Variants in THSD7A observed in about 807,000 individuals in gnomAD.
The protein encoded by THSD7A is thrombospondin type 1 domain containing 7A.
THSD7A carries 96 observed loss-of-function variants against 231.3 expected under a neutral mutation model. The observed-to-expected ratio is 0.41, with a 90% CI of 0.35 to 0.49. THSD7A has a LOEUF of 0.49. Among genes scored for constraint, THSD7A ranks in the 20% least tolerant of loss-of-function variants. The pLI is 0.05. For missense variants in THSD7A, 2,290 were observed against 2,070.2 expected (o/e 1.11, Z -2.06); for synonymous variants, 940 against 743.3 (o/e 1.26, Z -4.30).
chr7:11,763,509 C>G (rs1363958902), intron 1 of THSD7A, among the ~76,000 whole-genome samples: 1 of 152,114 alleles, frequency 6.6e-6, no homozygotes, highest in Non-Finnish European at 1.5e-5. Flanking sequence ...TATACACATA[C>G]ACATAAATAC....
chr7:11,376,637 C>G lies in THSD7A; in HGVS notation c.4822G>C (p.Val1608Leu). The G allele has an allele frequency of 6.3e-7, 1 of 1,581,956 alleles. No homozygotes were observed. The highest frequency in any genetic ancestry group is 8.6e-7 in the Non-Finnish European group (1 of 1,163,044). ...FGPDGRLKTW[V>L]YGVAAGAFVL... ...AATGCCCCAGCTGCTACACCGTAAA[C>G]CCAGGTCTTTAGTCTCCCATCTAAG... The change falls in exon 27 of 28, where the codon GTT (valine) becomes CTT (leucine). Residue 1608 changes from valine (V) to leucine (L), a missense_variant. Physicochemically the swap from Val to Leu is conservative, Grantham distance 32 (BLOSUM62 1). Coordinates refer to ENST00000423059, the MANE Select transcript of THSD7A (RefSeq NM_015204.3).
At chr7:11,639,043 C>T (rs1008566667) in intron 1 of THSD7A, among the ~76,000 whole-genome samples, 2 of 152,066 alleles carry the variant, frequency 1.3e-5, no homozygotes, top group Non-Finnish European at 2.9e-5. Context: ...AACAGTGGTC[C>T]TTATTTTCCA....
At chr7:11,594,401 G>T (rs1780282321) in intron 2 of THSD7A, among the ~76,000 whole-genome samples, 1 of 152,100 alleles carries the variant, frequency 6.6e-6, no homozygotes, top group Non-Finnish European at 1.5e-5. Flanking sequence ...TTCTTTCATT[G>T]GTTTTGGGAT....
chr7:11,764,951 T>C lies in THSD7A; in HGVS notation c.190+66806A>G, dbSNP rs113891877. Among the ~76,000 whole-genome samples the C allele has an allele frequency of 3.1e-3, 465 of 152,220 alleles. 2 individuals are homozygous for C. Among genetic ancestry groups the C allele is most frequent in the African/African-American group, 1.0e-2 (414 of 41,568 alleles). On this transcript the variant is annotated intron_variant, in intron 1 of 27. Transcript: ENST00000423059. Reference sequence around the variant, plus strand: ...TAATGTAAGTAGAAATGGTTTAAAATCTGTAACAGTATAGAAACTCTTAAT... The same window carrying C: ...TAATGTAAGTAGAAATGGTTTAAAACCTGTAACAGTATAGAAACTCTTAAT...
intron 11 of THSD7A, among the ~76,000 whole-genome samples, chr7:11,450,081 T>C (rs1017161344): frequency 6.6e-6 from 1 of 152,060 alleles, no homozygotes; most frequent in Non-Finnish European, 1.5e-5. Context: ...TTTGAGAAAT[T>C]AGATGAAACT....
At chr7:11,503,925 G>A (rs1014439079) in intron 6 of THSD7A, among the ~76,000 whole-genome samples, 7 of 152,168 alleles carry the variant, frequency 4.6e-5, no homozygotes, top group African/African-American at 1.7e-4. Flanking sequence ...GCTAAAAGCA[G>A]AAGTACCATT....
intron 1 of THSD7A, among the ~76,000 whole-genome samples, chr7:11,690,860 T>C (rs1304553118): frequency 6.6e-6 from 1 of 151,750 alleles, no homozygotes; most frequent in Non-Finnish European, 1.5e-5. Flanking sequence ...TTAGTTTTCT[T>C]CGAAGTGATA....
At chr7:11,661,250 A>G (rs1396487786) in intron 1 of THSD7A, among the ~76,000 whole-genome samples, 2 of 151,440 alleles carry the variant, frequency 1.3e-5, no homozygotes, top group Non-Finnish European at 3.0e-5. Flanking sequence ...TCTCTAACCT[A>G]GCTAAACACC....
intron 1 of THSD7A, among the ~76,000 whole-genome samples, chr7:11,721,133 C>A (rs147604662): frequency 6.6e-6 from 1 of 151,776 alleles, no homozygotes; most frequent in African/African-American, 2.4e-5. Flanking sequence ...AATTGACAAG[C>A]ACAAAATTAA....
At chr7:11,463,214 G>C (rs1467652595) in intron 9 of THSD7A, among the ~76,000 whole-genome samples, 1 of 152,142 alleles carries the variant, frequency 6.6e-6, no homozygotes, top group Non-Finnish European at 1.5e-5. Context: ...ATGATTTGAT[G>C]ATTAGAACAT....
In THSD7A at chr7:11,543,067, T is replaced by C. The variant is rs781743808; in HGVS notation, c.1504A>G (p.Thr502Ala). The change falls in exon 5 of 28, where the codon ACA becomes GCA. Residue 502 changes from threonine to alanine, a missense_variant. Transcript: ENST00000423059. Reference sequence around the variant, plus strand: ...GGACAAGGAATGTGGCACAGCTGTGTAGTATTAGGGATAGGTCCAGTGCAT... The same window carrying C: ...GGACAAGGAATGTGGCACAGCTGTGCAGTATTAGGGATAGGTCCAGTGCAT... ...KLCTGPIPNTTQLCHIPCPTE... is the reference protein window; with the variant it reads ...KLCTGPIPNTAQLCHIPCPTE... 1.9e-6 allele frequency: 3 copies of C among 1,613,828 alleles called. No individual in the cohort carries two copies. Among genetic ancestry groups the C allele is most frequent in the Admixed American group, 1.7e-5 (1 of 60,020 alleles).
intron 1 of THSD7A, among the ~76,000 whole-genome samples, chr7:11,830,229 G>T (rs1426372224): frequency 6.6e-6 from 1 of 152,188 alleles, no homozygotes; most frequent in Admixed American, 6.5e-5. Flanking sequence ...TACAGTGAAT[G>T]TTGGCTGGGC....
chr7:11,613,387 C>G (rs1412701728), intron 2 of THSD7A, among the ~76,000 whole-genome samples: 5 of 152,144 alleles, frequency 3.3e-5, no homozygotes, highest in Admixed American at 3.3e-4. Flanking sequence ...AGTTTCAGCT[C>G]ATTTAGGGTT....
At chr7:11,466,182 A>T (rs1393076297) in intron 9 of THSD7A, among the ~76,000 whole-genome samples, 1 of 152,162 alleles carries the variant, frequency 6.6e-6, no homozygotes, top group Non-Finnish European at 1.5e-5. Flanking sequence ...ATCTTTGTAA[A>T]ATTTAGACTT....
intron 1 of THSD7A, among the ~76,000 whole-genome samples, chr7:11,818,186 G>C (rs1473630291): frequency 6.6e-6 from 1 of 152,162 alleles, no homozygotes; most frequent in African/African-American, 2.4e-5. Context: ...CCTGTTATTT[G>C]CTAGCGCTAT....
chr7:11,714,350 T>C (rs1353056146), intron 1 of THSD7A, among the ~76,000 whole-genome samples: 2 of 151,362 alleles, frequency 1.3e-5, no homozygotes, highest in South Asian at 2.1e-4. Context: ...AATTTTAAAG[T>C]GTGTGCTCTG....
chr7:11,826,812 CAAA>C (rs3037773), intron 1 of THSD7A, among the ~76,000 whole-genome samples: 7,017 of 120,722 alleles, frequency 0.058, 292 homozygotes, highest in East Asian at 0.18. Flanking sequence ...GCCTCTGTCT[CAAA>C]AAAAAAAAAA....
chr7:11,554,523 T>C (rs998927722), intron 4 of THSD7A, among the ~76,000 whole-genome samples: 3 of 152,096 alleles, frequency 2.0e-5, no homozygotes, highest in African/African-American at 7.2e-5. Flanking sequence ...GAATGGATGC[T>C]AAATTTTGTT....
intron 2 of THSD7A, among the ~76,000 whole-genome samples, chr7:11,620,241 G>C (rs1381187345): frequency 6.6e-6 from 1 of 152,014 alleles, no homozygotes; most frequent in African/African-American, 2.4e-5. Context: ...TTTTTTGTAA[G>C]TCTAAAGTAT....
Sources: gnomAD v4.1 joint callset for allele counts (sites outside exome capture counted in the v4.1 genomes callset) on GRCh38, gnomAD v4.1.1 for gene constraint, MANE v1.5 for transcripts, NCBI Gene and HGNC (gene_info 2026-07-23, HGNC 2026-07-21) for gene names.